TTC6: variants seen among roughly 807,000 people sequenced by gnomAD.
TTC6 encodes tetratricopeptide repeat domain 6.
A neutral mutation model predicts 210.4 loss-of-function variants in TTC6; 172 were observed. The ratio of observed to expected loss-of-function variants is 0.82; its 90% CI spans 0.72 to 0.93. The LOEUF (loss-of-function observed/expected upper bound fraction) is 0.93, where lower values mean the gene tolerates loss of function less well. Among genes scored for constraint, TTC6 ranks in the 40% least tolerant of loss-of-function variants. The pLI is 0.00. For synonymous variants in TTC6, 804 were observed against 819.6 expected, an observed-to-expected ratio of 0.98 and a Z score of 0.32; for missense variants, 2,414 against 2,318.1, an observed-to-expected ratio of 1.04 and a Z score of -0.85.
chr14:37,800,344 G>A (rs750173636), intron 20 of TTC6, among the ~76,000 whole-genome samples: 7 of 152,186 alleles, frequency 4.6e-5, no homozygotes, highest in Non-Finnish European at 1.0e-4. Flanking sequence ...TTCCAAGCAA[G>A]GTGTTGACAG....
intron 5 of TTC6, among the ~76,000 whole-genome samples, chr14:37,707,536 G>A (rs2138716908): frequency 6.6e-6 from 1 of 152,044 alleles, no homozygotes; most frequent in East Asian, 1.9e-4. Context: ...AGACTGCTAT[G>A]GCATTTACAG....
intron 8 of TTC6, among the ~76,000 whole-genome samples, chr14:37,736,771 T>C (rs1219038447): frequency 1.3e-5 from 2 of 152,118 alleles, no homozygotes; most frequent in Non-Finnish European, 2.9e-5. Flanking sequence ...TCTTTTCTTT[T>C]TGAGACAAAA....
intron 14 of TTC6, among the ~76,000 whole-genome samples, chr14:37,784,774 C>T (rs1032866793): frequency 6.6e-6 from 1 of 152,098 alleles, no homozygotes; most frequent in Admixed American, 6.5e-5. Context: ...TGTTCATATC[C>T]ATGTTTAGTG....
intron 10 of TTC6, among the ~76,000 whole-genome samples, chr14:37,747,787 CT>C (rs1426674774): frequency 6.6e-6 from 1 of 152,104 alleles, no homozygotes; most frequent in African/African-American, 2.4e-5. Flanking sequence ...CACAGAAGAC[CT>C]TTCTAAAGTG....
chr14:37,709,692 T>A (rs2095841404), intron 5 of TTC6, among the ~76,000 whole-genome samples: 1 of 126,464 alleles, frequency 7.9e-6, no homozygotes. Context: ...TCATGTTTTG[T>A]AAAAAAAAAA....
chr14:37,742,940 T>A (rs954946503), intron 10 of TTC6, among the ~76,000 whole-genome samples: 5 of 152,236 alleles, frequency 3.3e-5, no homozygotes, highest in African/African-American at 1.2e-4. Context: ...TGAAGTAATG[T>A]CCAGCTCAAA....
chr14:37,687,955 G>A (rs1178238114), intron 3 of TTC6, among the ~76,000 whole-genome samples: 1 of 152,144 alleles, frequency 6.6e-6, no homozygotes, highest in African/African-American at 2.4e-5. Flanking sequence ...ATAGGAACCA[G>A]CTTGGCTATA....
intron 1 of TTC6, among the ~76,000 whole-genome samples, chr14:37,650,451 T>C (rs1309979173): frequency 6.6e-6 from 1 of 152,234 alleles, no homozygotes; most frequent in Non-Finnish European, 1.5e-5. Context: ...TAATATCTTA[T>C]TCTATTCTGC....
intron 26 of TTC6, among the ~76,000 whole-genome samples, chr14:37,819,840 T>C (rs1214809408): frequency 6.6e-6 from 1 of 152,204 alleles, no homozygotes; most frequent in Admixed American, 6.5e-5. Context: ...CAGTGGGCCT[T>C]TGTGTCTGTG....
intron 1 of TTC6, among the ~76,000 whole-genome samples, chr14:37,671,252 A>G (rs1317069649): frequency 2.6e-5 from 4 of 152,172 alleles, no homozygotes; most frequent in Non-Finnish European, 5.9e-5. Context: ...ATCACATGGC[A>G]GATGGCTTCC....
At chr14:37,757,094 A>G (rs1372895773) in intron 14 of TTC6, among the ~76,000 whole-genome samples, 1 of 152,136 alleles carries the variant, frequency 6.6e-6, no homozygotes, top group Non-Finnish European at 1.5e-5. Context: ...GTATGTGTCC[A>G]GGAATTTATC....
At chr14:37,711,670 G>T (rs186638859) in intron 5 of TTC6, among the ~76,000 whole-genome samples, 96 of 152,256 alleles carry the variant, frequency 6.3e-4, no homozygotes, top group South Asian at 2.3e-3. Context: ...TACTGCCAGG[G>T]TCAGGAGCTT....
intron 1 of TTC6, among the ~76,000 whole-genome samples, chr14:37,635,568 A>G (rs904548347): frequency 1.3e-5 from 2 of 152,216 alleles, no homozygotes; most frequent in Non-Finnish European, 1.5e-5. Flanking sequence ...TTCCAATATG[A>G]TGATATTGGT....
chr14:37,747,399 T>C (rs1480576282), intron 10 of TTC6, among the ~76,000 whole-genome samples: 5 of 152,192 alleles, frequency 3.3e-5, no homozygotes, highest in Admixed American at 3.3e-4. Context: ...AAACCAGAAA[T>C]GATAATGCAG....
intron 4 of TTC6, among the ~76,000 whole-genome samples, chr14:37,700,009 G>A (rs574184442): frequency 6.6e-6 from 1 of 152,218 alleles, no homozygotes; most frequent in Non-Finnish European, 1.5e-5. Context: ...GGATATTGCA[G>A]CTTTAAAGGC....
chr14:37,633,082 G>A (rs550497414), intron 1 of TTC6, among the ~76,000 whole-genome samples: 5 of 152,202 alleles, frequency 3.3e-5, no homozygotes, highest in Non-Finnish European at 7.3e-5. Context: ...GATCCACTGA[G>A]CGAGACCACT....
chr14:37,799,821 T>G (rs1595284587), intron 20 of TTC6, among the ~76,000 whole-genome samples: 1 of 151,652 alleles, frequency 6.6e-6, no homozygotes. Flanking sequence ...AGAAAAGAAG[T>G]TTTCAGATGA....
intron 29 of TTC6, among the ~76,000 whole-genome samples, chr14:37,828,788 T>C (rs987541153): frequency 3.9e-5 from 6 of 151,970 alleles, no homozygotes; most frequent in African/African-American, 1.4e-4. Context: ...GATTTAAGTC[T>C]ACATTTAGGA....
chr14:37,603,196 C>A (rs186073983), intron 1 of TTC6, among the ~76,000 whole-genome samples: 28 of 152,282 alleles, frequency 1.8e-4, no homozygotes, highest in African/African-American at 6.0e-4. Flanking sequence ...TGACGCTGAC[C>A]GCAGTGCTGC....
Sources: gnomAD v4.1 joint callset for allele counts (sites outside exome capture counted in the v4.1 genomes callset) on GRCh38, gnomAD v4.1.1 for gene constraint, MANE v1.5 for transcripts, NCBI Gene and HGNC (gene_info 2026-07-23, HGNC 2026-07-21) for gene names.